KCNB2: variants seen among roughly 807,000 people sequenced by gnomAD.
The protein encoded by KCNB2 is delayed rectifier potassium channel protein.
A neutral mutation model predicts 61.5 loss-of-function variants in KCNB2; 15 were observed. The ratio of observed to expected loss-of-function variants is 0.24; its 90% CI spans 0.16 to 0.38. The LOEUF is 0.38. Among genes scored for constraint, KCNB2 ranks in the 10% least tolerant of loss-of-function variants. The pLI is 1.00. For missense variants in KCNB2, 828 were observed against 1,125.2 expected, an observed-to-expected ratio of 0.74 and a Z score of 3.78; for synonymous variants, 457 against 446.0, an observed-to-expected ratio of 1.02 and a Z score of -0.31.
rs557619277 is a variant in KCNB2, at chr8:72,919,245, C to G, written c.580-16690C>G. Among the ~76,000 whole-genome samples, 6 of 152,306 alleles carry G rather than the reference C, an allele frequency of 3.9e-5. No homozygotes were observed. In the East Asian group the frequency reaches 1.2e-3, roughly 29 times the overall value. ...AGCACTATACGGAGGAACAGCTCCA[C>G]CTGGTTCGTGGCCGAAGTGGAGTTC... On this transcript the variant is annotated intron_variant, in intron 2 of 2. Transcript: ENST00000523207.
At chr8:72,589,028 C>G (rs1442803222) in intron 2 of KCNB2, among the ~76,000 whole-genome samples, 1 of 152,180 alleles carries the variant, frequency 6.6e-6, no homozygotes, top group African/African-American at 2.4e-5. Flanking sequence ...GTGCACACTG[C>G]TCCACTCAGG....
At chr8:72,675,714 C>G (rs563981771) in intron 2 of KCNB2, among the ~76,000 whole-genome samples, 2 of 151,958 alleles carry the variant, frequency 1.3e-5, no homozygotes, top group East Asian at 3.9e-4. Flanking sequence ...CCTCCACACT[C>G]GGCTGATTTT....
At chr8:72,556,652 C>T (rs1806433686) in intron 1 of KCNB2, among the ~76,000 whole-genome samples, 1 of 151,984 alleles carries the variant, frequency 6.6e-6, no homozygotes, top group Admixed American at 6.6e-5. Flanking sequence ...TTCCATAATA[C>T]CATTGATTTG....
At chr8:72,883,863 C>G (rs1434644411) in intron 2 of KCNB2, among the ~76,000 whole-genome samples, 4 of 152,128 alleles carry the variant, frequency 2.6e-5, no homozygotes, top group Admixed American at 2.6e-4. Context: ...TGACTTTTTG[C>G]TGTTACCAAC....
intron 2 of KCNB2, among the ~76,000 whole-genome samples, chr8:72,809,787 A>G (rs1228617594): frequency 6.6e-6 from 1 of 152,078 alleles, no homozygotes; most frequent in Non-Finnish European, 1.5e-5. Context: ...CAAATACCAA[A>G]CTGAAATCCT....
chr8:72,725,605 A>ATATATG (rs1554587095), intron 2 of KCNB2, among the ~76,000 whole-genome samples: 14 of 54,280 alleles, frequency 2.6e-4, no homozygotes, highest in Non-Finnish European at 8.1e-4. Flanking sequence ...ATATATATAT[A>ATATATG]TATATATATA....
chr8:72,712,000 G>T (rs907750787), intron 2 of KCNB2, among the ~76,000 whole-genome samples: 2 of 152,096 alleles, frequency 1.3e-5, no homozygotes, highest in African/African-American at 4.8e-5. Flanking sequence ...TCAAGAAAAA[G>T]AAAAAGTGAA....
At chr8:72,667,006 T>TGTGTGTGTGA (rs141712140) in intron 2 of KCNB2, among the ~76,000 whole-genome samples, 2,876 of 147,890 alleles carry the variant, frequency 0.019, 42 homozygotes, top group South Asian at 0.07. Context: ...TGTGTGTGTG[T>TGTGTGTGTGA]GAGAGAGAGA....
intron 2 of KCNB2, among the ~76,000 whole-genome samples, chr8:72,847,824 G>A (rs1810024025): frequency 6.6e-6 from 1 of 152,148 alleles, no homozygotes; most frequent in African/African-American, 2.4e-5. Context: ...AGACTCACTA[G>A]ATGAATGTTT....
At chr8:72,705,253 C>T (rs1434533979) in intron 2 of KCNB2, among the ~76,000 whole-genome samples, 1 of 152,138 alleles carries the variant, frequency 6.6e-6, no homozygotes, top group Non-Finnish European at 1.5e-5. Context: ...GATTTGTTAT[C>T]CCTGGAACGT....
chr8:72,822,114 C>T (rs1458078476), intron 2 of KCNB2, among the ~76,000 whole-genome samples: 1 of 152,190 alleles, frequency 6.6e-6, no homozygotes, highest in African/African-American at 2.4e-5. Flanking sequence ...TGCTTAAAAC[C>T]CTTTGGTGAC....
chr8:72,755,835 C>A (rs1282335966), intron 2 of KCNB2, among the ~76,000 whole-genome samples: 1 of 152,162 alleles, frequency 6.6e-6, no homozygotes, highest in African/African-American at 2.4e-5. Flanking sequence ...GGTTCCCCCA[C>A]CGCACCCAAC....
intron 2 of KCNB2, among the ~76,000 whole-genome samples, chr8:72,890,883 C>A (rs757423855): frequency 1.3e-5 from 2 of 151,804 alleles, no homozygotes; most frequent in Non-Finnish European, 2.9e-5. Context: ...CAATTCATGG[C>A]AGAAAACTGT....
At chr8:72,696,058 T>C (rs1418020704) in intron 2 of KCNB2, among the ~76,000 whole-genome samples, 1 of 152,150 alleles carries the variant, frequency 6.6e-6, no homozygotes, top group African/African-American at 2.4e-5. Flanking sequence ...ACTTGCAGAG[T>C]CATCTATTGG....
intron 1 of KCNB2, among the ~76,000 whole-genome samples, chr8:72,541,884 T>C (rs923171746): frequency 6.6e-6 from 1 of 152,140 alleles, no homozygotes; most frequent in Non-Finnish European, 1.5e-5. Context: ...CAAATTTGTT[T>C]AATTTAGCTA....
At chr8:72,821,453 T>C (rs184254973) in intron 2 of KCNB2, among the ~76,000 whole-genome samples, 6 of 152,208 alleles carry the variant, frequency 3.9e-5, no homozygotes, top group African/African-American at 1.4e-4. Context: ...CCTTGGATGA[T>C]GCTTAGCTGC....
At chr8:72,789,392 TC>T (rs2128998559) in intron 2 of KCNB2, among the ~76,000 whole-genome samples, 1 of 152,298 alleles carries the variant, frequency 6.6e-6, no homozygotes, top group East Asian at 1.9e-4. Context: ...AACCACAGTC[TC>T]CACTGTCTCC....
At chr8:72,926,925 C>T (rs897911751) in intron 2 of KCNB2, among the ~76,000 whole-genome samples, 4 of 152,200 alleles carry the variant, frequency 2.6e-5, no homozygotes, top group Admixed American at 6.5e-5. Context: ...ATAGCTTTGC[C>T]TTGCCTGAAT....
chr8:72,698,455 T>A (rs1008320524), intron 2 of KCNB2, among the ~76,000 whole-genome samples: 2 of 152,140 alleles, frequency 1.3e-5, no homozygotes, highest in African/African-American at 2.4e-5. Context: ...ATCTACAGAT[T>A]CAACACTATT....
Sources: gnomAD v4.1 joint callset for allele counts (sites outside exome capture counted in the v4.1 genomes callset) on GRCh38, gnomAD v4.1.1 for gene constraint, MANE v1.5 for transcripts, NCBI Gene and HGNC (gene_info 2026-07-23, HGNC 2026-07-21) for gene names.